TSEN54: variants seen among roughly 807,000 people sequenced by gnomAD.
The protein encoded by TSEN54 is tRNA splicing endonuclease subunit 54.
A neutral mutation model predicts 61.9 loss-of-function variants in TSEN54; 55 were observed. The ratio of observed to expected loss-of-function variants is 0.89; its 90% confidence interval spans 0.72 to 1.11. The LOEUF (loss-of-function observed/expected upper bound fraction) is 1.11, where lower values mean the gene tolerates loss of function less well. Among genes scored for constraint, TSEN54 ranks in the 50% most tolerant of loss-of-function variants. TSEN54 has a pLI of 0.00. For missense variants in TSEN54, 760 were observed against 687.7 expected (o/e 1.11, Z -1.18); for synonymous variants, 304 against 288.7 (o/e 1.05, Z -0.54).
intron 6 of TSEN54, among the ~76,000 whole-genome samples, chr17:75,520,954 C>CAAAAAAAA (rs74269590): frequency 1.1e-5 from 1 of 95,026 alleles, no homozygotes; most frequent in Non-Finnish European, 2.3e-5. Context: ...GACTGTGTCT[C>CAAAAAAAA]AAAAAAAAAA....
At chr17:75,522,898 A>T in intron 8 of TSEN54, 2 of 313,024 alleles carry the variant, frequency 6.4e-6, no homozygotes, top group African/African-American at 2.2e-5. Flanking sequence ...AAATGTTGCT[A>T]GGCTGGACAC....
Position 75,517,553 on chromosome 17 carries a change from C to G in TSEN54, c.370-4C>G. The G allele has an allele frequency of 6.2e-7, 1 of 1,613,542 alleles. No individual in the cohort carries two copies. The highest frequency in any genetic ancestry group is 1.1e-5 in the South Asian group (1 of 91,068). ...ATAAGCTGAGCTGTTGGCCCCACTT[C>G]CAGGGCTCCATCCACCTCTTCCACC... On this transcript the variant is annotated splice_polypyrimidine_tract_variant and splice_region_variant and intron_variant, in intron 4 of 10. Transcript: ENST00000333213.
chr17:75,522,156 G>C lies in TSEN54; in HGVS notation c.1075G>C (p.Ala359Pro). 1 of 1,555,876 alleles carries C rather than the reference G, an allele frequency of 6.4e-7. No homozygotes were observed. The highest frequency in any genetic ancestry group is 8.7e-7 in the Non-Finnish European group (1 of 1,148,370). Reference sequence around the variant, plus strand: ...GCGGGAACGGGAGCACCACGCGGAGGCCGCGCAGTTCCAGGAAGATGTCAA... The same window carrying C: ...GCGGGAACGGGAGCACCACGCGGAGCCCGCGCAGTTCCAGGAAGATGTCAA... ...SRREREHHAE[A>P]AQFQEDVNAD... The change falls in exon 8 of 11, where the codon GCC becomes CCC. Residue 359 changes from alanine to proline, a missense_variant. Transcript: ENST00000333213.
chr17:75,517,807 G>C, intron 5 of TSEN54, 152 bp downstream of exon 5: 2 of 720,190 alleles, frequency 2.8e-6, no homozygotes, highest in Non-Finnish European at 4.8e-6. Context: ...TGTGGTGGTG[G>C]CCTGTTGGCT....
chr17:75,517,703 A>G (rs753139949), intron 5 of TSEN54, 48 bp downstream of exon 5: 59 of 1,493,864 alleles, frequency 3.9e-5, no homozygotes, highest in Non-Finnish European at 5.1e-5. Flanking sequence ...CACTGAATCA[A>G]TGAGTATTGA....
At chr17:75,523,530 G>A (rs1209518440) in intron 9 of TSEN54, 133 bp from the exon 10 acceptor site, 6 of 1,607,552 alleles carry the variant, frequency 3.7e-6, no homozygotes, top group Non-Finnish European at 5.1e-6. Flanking sequence ...TAGCCCAAGG[G>A]TTCAGAGCCC....
At chr17:75,520,129 A>G (rs2053412279) in intron 6 of TSEN54, among the ~76,000 whole-genome samples, 1 of 152,208 alleles carries the variant, frequency 6.6e-6, no homozygotes, top group South Asian at 2.1e-4. Context: ...AGGCTCACAC[A>G]AATGAGAGGT....
At chr17:75,519,148 T>C (rs900511781) in intron 6 of TSEN54, 101 bp downstream of exon 6, 7 of 1,370,046 alleles carry the variant, frequency 5.1e-6, no homozygotes, top group Non-Finnish European at 7.3e-6. Flanking sequence ...AACCCTTGGC[T>C]GGAGTGCAGT....
Position 75,524,347 on chromosome 17 carries a change from G to C in TSEN54, c.1516G>C (p.Asp506His). The change falls in exon 11 of 11, where the codon GAT becomes CAT. Residue 506 changes from aspartate (D) to histidine (H), a missense_variant. Asp to His is a moderately conservative substitution (Grantham distance 81). Transcript: ENST00000333213. The part of the protein sequence containing the change: ...GDVPLIFALV[D>H]HGDISFYSFR... The stretch of plus-strand genomic sequence containing the variant: ...TGTCCCTCTGATCTTTGCCCTGGTG[G>C]ATCATGGTGACATCTCCTTCTACAG... 1.2e-6 allele frequency: 2 copies of C among 1,614,172 alleles called. No individual in the cohort carries two copies. Among genetic ancestry groups the C allele is most frequent in the South Asian group, 1.1e-5 (1 of 91,092 alleles).
intron 6 of TSEN54, among the ~76,000 whole-genome samples, chr17:75,519,891 G>GA (rs1294451668): frequency 1.3e-5 from 2 of 152,170 alleles, no homozygotes; most frequent in Non-Finnish European, 2.9e-5. Context: ...TTTCTTTTCT[G>GA]AAAGTGGAAC....
chr17:75,516,962 G>T, intron 2 of TSEN54, 47 bp from the exon 3 acceptor site: 1 of 1,546,840 alleles, frequency 6.5e-7, no homozygotes, highest in Non-Finnish European at 8.7e-7. Context: ...GCGGGCCGCG[G>T]GGTCTCCGGA....
chr17:75,521,654 G>T (rs767204702), intron 7 of TSEN54, 51 bp from the exon 8 acceptor site: 2 of 1,601,186 alleles, frequency 1.2e-6, no homozygotes, highest in South Asian at 2.2e-5. Flanking sequence ...TGGGACGTGT[G>T]CACCTTAGCA....
chr17:75,516,670 A>C, intron 1 of TSEN54, 54 bp downstream of exon 1: 1 of 1,240,886 alleles, frequency 8.1e-7, no homozygotes. Context: ...CAGCGCGGGT[A>C]GGGAAACCGG....
In TSEN54 at chr17:75,521,965, G is replaced by A. The variant is rs755682980; in HGVS notation, c.884G>A (p.Arg295His). The change falls in exon 8 of 11, where the codon CGC becomes CAC. Residue 295 changes from arginine (R) to histidine (H), a missense_variant. By Grantham distance (29) the Arg-to-His change is conservative. This residue lies in a region of TSEN54 where 667 missense variants were observed against 577.8 expected (regional missense o/e 1.15). Coordinates refer to ENST00000333213, the MANE Select transcript of TSEN54 (RefSeq NM_207346.3). Reference sequence around the variant, plus strand: ...GGAGTCACGGGAGCCGGTAAGCGGCGCTGGAACTTCGAGCAGATCTCCTTC... The same window carrying A: ...GGAGTCACGGGAGCCGGTAAGCGGCACTGGAACTTCGAGCAGATCTCCTTC... Reference protein sequence around the residue: ...ENGVTGAGKRRWNFEQISFPN... With the variant: ...ENGVTGAGKRHWNFEQISFPN... 3 of 1,609,156 alleles carry A rather than the reference G, an allele frequency of 1.9e-6. No individual in the cohort carries two copies. Among genetic ancestry groups the A allele is most frequent in the South Asian group, 1.1e-5 (1 of 90,614 alleles).
intron 4 of TSEN54, 70 bp from the exon 5 acceptor site, chr17:75,517,487 G>A: frequency 1.4e-6 from 2 of 1,410,084 alleles, no homozygotes; most frequent in East Asian, 2.3e-5. Context: ...ATCAGAGCTG[G>A]GAAGTTGCCC....
Position 75,521,899 on chromosome 17 carries a change from AG to A in TSEN54, c.823del (p.Val275TrpfsTer67), listed in dbSNP as rs797046057. ...GGCCCCAGCCCTGGCCCGGCCAGGG[AG>A]GGGGTGGGGTGCAGCTGGGAGAGTG... Reference protein sequence around the residue: ...SLGPSPGPAREGVGCSWESGR... With the variant: ...SLGPSPGPARXGVGCSWESGR... On this transcript the variant is annotated frameshift_variant, in exon 8 of 11. Transcript: ENST00000333213. LOFTEE classifies it high-confidence loss of function. 2.5e-6 allele frequency: 4 copies of A among 1,609,366 alleles called. No homozygotes were observed. Among genetic ancestry groups the A allele is most frequent in the African/African-American group, 1.3e-5 (1 of 74,690 alleles).
chr17:75,522,420 G>A, intron 8 of TSEN54, 87 bp downstream of exon 8: 1 of 1,532,172 alleles, frequency 6.5e-7, no homozygotes, highest in Non-Finnish European at 8.7e-7. Flanking sequence ...GAACTGGGAT[G>A]GATTGAGGCT....
chr17:75,523,783 C>T lies in TSEN54; in HGVS notation c.1430+4C>T, dbSNP rs202109896. 49 of 1,613,028 alleles carry T rather than the reference C, an allele frequency of 3.0e-5. No homozygotes were observed. The highest frequency in any genetic ancestry group is 2.7e-4 in the East Asian group (12 of 44,876). On this transcript the variant is annotated splice_donor_region_variant and intron_variant, in intron 10 of 10. Transcript: ENST00000333213. ...ATGCCCGGATGTGCATTAGTGGGTA[C>T]GCAGTGAGCCAGCACTGCCCCTCCC... is the stretch of plus-strand genomic sequence containing the variant.
intron 5 of TSEN54, 185 bp from the exon 6 acceptor site, chr17:75,518,810 A>G (rs1302211836): frequency 1.0e-6 from 1 of 985,320 alleles, no homozygotes; most frequent in Non-Finnish European, 1.2e-6. Flanking sequence ...ACAGGAATTC[A>G]GAGCCTGAGA....
Sources: gnomAD v4.1 joint callset for allele counts (sites outside exome capture counted in the v4.1 genomes callset) on GRCh38, gnomAD v4.1.1 for gene constraint, gnomAD v4.1.1 regional missense constraint, MANE v1.5 for transcripts, NCBI Gene and HGNC (gene_info 2026-07-23, HGNC 2026-07-21) for gene names.